Variants in PCDH15 observed in about 807,000 individuals in gnomAD.
PCDH15 encodes protocadherin-15.
Under a neutral mutation model 178.5 loss-of-function variants are expected in PCDH15, and 129 were observed. That is an observed-to-expected ratio of 0.72 (90% CI 0.63 to 0.84). The LOEUF (loss-of-function observed/expected upper bound fraction) is 0.84. Ranked by LOEUF, PCDH15 falls within the 40% of genes least tolerant of loss-of-function variation. PCDH15 has a pLI of 0.00. For missense variants in PCDH15, 2,230 were observed against 2,099.9 expected (o/e 1.06, Z -1.21); for synonymous variants, 800 against 732.0 (o/e 1.09, Z -1.50).
chr10:54,679,540 T>C (rs1280216729), intron 1 of PCDH15, among the ~76,000 whole-genome samples: 1 of 152,206 alleles, frequency 6.6e-6, no homozygotes, highest in Non-Finnish European at 1.5e-5. Context: ...AAGTATTAAA[T>C]ACAGAGCATA....
intron 2 of PCDH15, among the ~76,000 whole-genome samples, chr10:54,614,706 T>C (rs1247613323): frequency 6.6e-6 from 1 of 152,032 alleles, no homozygotes; most frequent in Non-Finnish European, 1.5e-5. Context: ...TTTTGTTACT[T>C]TTCTCGTGCT....
intron 3 of PCDH15, among the ~76,000 whole-genome samples, chr10:54,430,461 A>G (rs1433169335): frequency 1.3e-5 from 2 of 152,208 alleles, no homozygotes; most frequent in Non-Finnish European, 2.9e-5. Flanking sequence ...AATATCAAGC[A>G]TCTTATCTAA....
At chr10:55,256,774 C>G (rs998208703) in intron 1 of PCDH15, among the ~76,000 whole-genome samples, 1 of 152,216 alleles carries the variant, frequency 6.6e-6, no homozygotes, top group African/African-American at 2.4e-5. Flanking sequence ...GGCCTGCCAG[C>G]CTCTGTAGAC....
intron 3 of PCDH15, among the ~76,000 whole-genome samples, chr10:54,522,203 A>G (rs1180587547): frequency 6.6e-6 from 1 of 152,124 alleles, no homozygotes; most frequent in Non-Finnish European, 1.5e-5. Flanking sequence ...TGAGTGATGA[A>G]AAAAGAATTA....
At chr10:54,636,446 A>G (rs556744960) in intron 2 of PCDH15, among the ~76,000 whole-genome samples, 60 of 72,822 alleles carry the variant, frequency 8.2e-4, no homozygotes, top group Non-Finnish European at 1.9e-3. Flanking sequence ...TCTTTTCTGC[A>G]TACTGTAAAA....
chr10:55,402,638 A>G (rs185338926), intron 2 of PCDH15, among the ~76,000 whole-genome samples: 8 of 152,154 alleles, frequency 5.3e-5, no homozygotes, highest in Admixed American at 3.9e-4. Context: ...TGATGTTGTT[A>G]CAAATGACAG....
chr10:54,743,825 AAAG>A (rs1225541427), intron 1 of PCDH15, among the ~76,000 whole-genome samples: 1 of 151,914 alleles, frequency 6.6e-6, no homozygotes, highest in Admixed American at 6.6e-5. Context: ...AAAGAAAAAA[AAAG>A]AAAGTAAAAA....
chr10:54,446,371 T>C (rs2076141898), intron 3 of PCDH15, among the ~76,000 whole-genome samples: 1 of 151,634 alleles, frequency 6.6e-6, no homozygotes, highest in Non-Finnish European at 1.5e-5. Context: ...TAGATCAATA[T>C]TTATAAAACT....
intron 3 of PCDH15, among the ~76,000 whole-genome samples, chr10:54,470,629 T>C (rs1340928562): frequency 2.0e-5 from 3 of 152,146 alleles, no homozygotes; most frequent in Non-Finnish European, 2.9e-5. Flanking sequence ...TGAAGGACTC[T>C]ACCATGGCTA....
intron 2 of PCDH15, among the ~76,000 whole-genome samples, chr10:54,630,569 G>C (rs1473983823): frequency 3.9e-5 from 6 of 152,100 alleles, no homozygotes; most frequent in Non-Finnish European, 2.9e-5. Flanking sequence ...CTAGGACATG[G>C]CATTCTGGAC....
chr10:55,346,962 C>G (rs1424859652), intron 2 of PCDH15, among the ~76,000 whole-genome samples: 2 of 152,000 alleles, frequency 1.3e-5, no homozygotes, highest in Non-Finnish European at 2.9e-5. Context: ...CACATGTAAT[C>G]CCAGCACTTT....
chr10:55,334,608 G>C (rs1053691490), intron 2 of PCDH15, among the ~76,000 whole-genome samples: 1 of 151,482 alleles, frequency 6.6e-6, no homozygotes, highest in African/African-American at 2.4e-5. Context: ...TGCCCGGCTG[G>C]GTGCTCCATA....
At chr10:53,992,624 A>G (rs1589808657) in intron 21 of PCDH15, among the ~76,000 whole-genome samples, 1 of 152,192 alleles carries the variant, frequency 6.6e-6, no homozygotes, top group African/African-American at 2.4e-5. Flanking sequence ...CAGTTTCAAA[A>G]AGAACAAAAC....
At chr10:54,326,344 A>T (rs1162857487) in intron 7 of PCDH15, among the ~76,000 whole-genome samples, 5 of 152,318 alleles carry the variant, frequency 3.3e-5, no homozygotes, top group Non-Finnish European at 7.4e-5. Context: ...TACTAAGATT[A>T]AAAAGTATGT....
intron 2 of PCDH15, among the ~76,000 whole-genome samples, chr10:55,523,103 T>C (rs1267049592): frequency 6.6e-6 from 1 of 151,632 alleles, no homozygotes; most frequent in African/African-American, 2.4e-5. Flanking sequence ...GTAATCTTTT[T>C]TGGGTTGATC....
chr10:54,357,712 C>T (rs1195592358), intron 5 of PCDH15, among the ~76,000 whole-genome samples: 1 of 152,152 alleles, frequency 6.6e-6, no homozygotes, highest in Non-Finnish European at 1.5e-5. Flanking sequence ...CCAAGTCAAT[C>T]CTAAGCCAAA....
intron 25 of PCDH15, among the ~76,000 whole-genome samples, chr10:53,910,100 C>T (rs2091312765): frequency 2.0e-5 from 3 of 152,198 alleles, no homozygotes; most frequent in Non-Finnish European, 1.5e-5. Flanking sequence ...CAAAAGGCAG[C>T]AGAAACTTCT....
chr10:54,417,290 C>T (rs1252254398), intron 3 of PCDH15, among the ~76,000 whole-genome samples: 2 of 152,112 alleles, frequency 1.3e-5, no homozygotes, highest in East Asian at 3.8e-4. Context: ...TACTGATTTG[C>T]ATTTATCCAA....
intron 3 of PCDH15, among the ~76,000 whole-genome samples, chr10:54,390,556 A>G (rs11004274): frequency 0.039 from 5,916 of 152,236 alleles, 143 homozygotes; most frequent in Non-Finnish European, 0.056. Flanking sequence ...CGGACTCCCA[A>G]AGTGCTGGGA....
Sources: allele counts gnomAD v4.1 joint callset (sites outside exome capture counted in the v4.1 genomes callset), GRCh38; gene constraint gnomAD v4.1.1; transcripts MANE v1.5; gene names NCBI Gene and HGNC (gene_info 2026-07-23, HGNC 2026-07-21).